The following BANK1 variants were observed in gnomAD, a reference collection of about 807,000 sequenced individuals.
The protein encoded by BANK1 is B cell scaffold protein with ankyrin repeats 1, also known as B-cell scaffold protein with ankyrin repeats.
Under a neutral mutation model 94.5 loss-of-function variants are expected in BANK1, and 95 were observed. The ratio of observed to expected loss-of-function variants is 1.00; its 90% CI spans 0.85 to 1.19. BANK1 has a LOEUF of 1.19. Among genes scored for constraint, BANK1 ranks in the 50% most tolerant of loss-of-function variants. BANK1 has a pLI of 0.00. For synonymous variants in BANK1, 334 were observed against 308.4 expected, an observed-to-expected ratio of 1.08 and a Z score of -0.87; for missense variants, 987 against 932.2, an observed-to-expected ratio of 1.06 and a Z score of -0.77.
chr4:101,844,451 C>T (rs1476951520), intron 2 of BANK1, among the ~76,000 whole-genome samples: 1 of 152,156 alleles, frequency 6.6e-6, no homozygotes, highest in Non-Finnish European at 1.5e-5. Context: ...TTTCCTATCT[C>T]AGAACACAAG....
rs557759163 is a variant in BANK1 at position 101,907,748 on chromosome 4, T to C, written c.1010-10245T>C. On this transcript the variant is annotated intron_variant, in intron 6 of 16. Transcript: ENST00000322953. ...CAATGTGCAAAAATCACAAGCATTCTTATACACCAATAACAGACAAACAGA... is the reference window on the plus strand; with the variant it reads ...CAATGTGCAAAAATCACAAGCATTCCTATACACCAATAACAGACAAACAGA... Among the ~76,000 whole-genome samples the C allele has an allele frequency of 7.9e-5, 12 of 152,262 alleles. No individual in the cohort carries two copies. The South Asian group carries it at 2.5e-3, about 32-fold the overall frequency.
At position 101,870,624 on chromosome 4, in the gene BANK1, T is replaced by C. The variant is rs1197710894; in HGVS notation, c.883T>C (p.Ser295Pro). ...GGAATGCCTATTCAGAATGGCAGAT[T>C]CAGGAGAGAGTTTGTGCCAGGTAAG... ...AKECLFRMAD[S>P]GESLCQNSIE... is the part of the protein sequence containing the mutation. The change falls in exon 5 of 17, where the codon TCA (serine) becomes CCA (proline). Residue 295 changes from serine (S) to proline (P), a missense_variant. Coordinates refer to ENST00000322953, the MANE Select transcript of BANK1 (RefSeq NM_017935.5). 6.2e-7 allele frequency: 1 copy of C among 1,611,176 alleles called. No individual in the cohort carries two copies. Among genetic ancestry groups the C allele is most frequent in the East Asian group, 2.2e-5 (1 of 44,816 alleles).
chr4:102,004,180 A>G (rs1726171637), intron 7 of BANK1, among the ~76,000 whole-genome samples: 1 of 152,166 alleles, frequency 6.6e-6, no homozygotes, highest in Non-Finnish European at 1.5e-5. Context: ...ATACTGCTAT[A>G]TCCTTATTAC....
chr4:101,940,881 A>G (rs1369359837), intron 7 of BANK1, among the ~76,000 whole-genome samples: 3 of 151,678 alleles, frequency 2.0e-5, no homozygotes, highest in African/African-American at 7.3e-5. Flanking sequence ...CCCCTCCTCT[A>G]ACCTTTTCAT....
chr4:101,827,850 T>A (rs930688717), intron 1 of BANK1, among the ~76,000 whole-genome samples: 5 of 151,912 alleles, frequency 3.3e-5, no homozygotes, highest in Admixed American at 3.3e-4. Context: ...TTTCTTTTTT[T>A]ATTCCTTTGC....
intron 7 of BANK1, among the ~76,000 whole-genome samples, chr4:101,989,938 T>C (rs1328146472): frequency 6.6e-6 from 1 of 152,170 alleles, no homozygotes; most frequent in South Asian, 2.1e-4. Flanking sequence ...TACTTTTAAA[T>C]GGTTTCACAT....
intron 6 of BANK1, among the ~76,000 whole-genome samples, chr4:101,913,350 C>T (rs1199577426): frequency 6.6e-6 from 1 of 152,022 alleles, no homozygotes; most frequent in Non-Finnish European, 1.5e-5. Context: ...CTTTTTATTG[C>T]CTTAACATTG....
At chr4:102,043,803 A>T (rs1727781662) in intron 10 of BANK1, 36 bp from the exon 11 acceptor site, 3 of 1,415,786 alleles carry the variant, frequency 2.1e-6, no homozygotes, top group South Asian at 1.3e-5. Flanking sequence ...TTGAACGTTT[A>T]TGTTCAGTAA....
At chr4:101,862,743 T>A in intron 4 of BANK1, 79 bp downstream of exon 4, 1 of 1,360,010 alleles carries the variant, frequency 7.4e-7, no homozygotes, top group South Asian at 1.8e-5. Flanking sequence ...ATGGTTTCAC[T>A]TCCTTACAAA....
intron 7 of BANK1, among the ~76,000 whole-genome samples, chr4:102,005,003 A>G (rs912649434): frequency 1.3e-5 from 2 of 152,096 alleles, no homozygotes; most frequent in African/African-American, 4.8e-5. Context: ...ACACTACCTA[A>G]TAGCTAGAGT....
intron 2 of BANK1, among the ~76,000 whole-genome samples, chr4:101,833,048 C>T (rs1726684637): frequency 6.6e-6 from 1 of 151,946 alleles, no homozygotes; most frequent in African/African-American, 2.4e-5. Context: ...GGCACAATCT[C>T]AGCTCACTGC....
At chr4:102,003,796 A>G (rs1481327373) in intron 7 of BANK1, among the ~76,000 whole-genome samples, 1 of 152,050 alleles carries the variant, frequency 6.6e-6, no homozygotes, top group Admixed American at 6.6e-5. Context: ...ATAAATATGT[A>G]AATATATATT....
intron 5 of BANK1, among the ~76,000 whole-genome samples, chr4:101,880,415 GATGAA>G (rs1728635582): frequency 6.6e-6 from 1 of 151,786 alleles, no homozygotes; most frequent in African/African-American, 2.4e-5. Flanking sequence ...ATAAAACACT[GATGAA>G]ATAAAATGAA....
At chr4:101,959,123 G>A (rs1724475410) in intron 7 of BANK1, among the ~76,000 whole-genome samples, 1 of 146,130 alleles carries the variant, frequency 6.8e-6, no homozygotes, top group Non-Finnish European at 1.5e-5. Context: ...CTGCTTCCTA[G>A]AGAGTAGTTT....
chr4:101,942,229 A>T (rs1190585942), intron 7 of BANK1, among the ~76,000 whole-genome samples: 1 of 151,838 alleles, frequency 6.6e-6, no homozygotes, highest in Non-Finnish European at 1.5e-5. Flanking sequence ...GCATCAAACA[A>T]AGTCATTCCA....
intron 7 of BANK1, among the ~76,000 whole-genome samples, chr4:101,920,265 A>G (rs997543064): frequency 2.6e-5 from 4 of 151,978 alleles, no homozygotes; most frequent in Admixed American, 6.6e-5. Flanking sequence ...AGATATATCT[A>G]ATATAAATGA....
At chr4:102,053,883 A>C (rs1299989767) in intron 11 of BANK1, among the ~76,000 whole-genome samples, 5 of 151,834 alleles carry the variant, frequency 3.3e-5, no homozygotes, top group Non-Finnish European at 7.4e-5. Context: ...TACTTTATTA[A>C]TAAAAAAAGA....
chr4:101,900,278 T>C (rs536920081), intron 6 of BANK1, among the ~76,000 whole-genome samples: 4 of 152,196 alleles, frequency 2.6e-5, no homozygotes, highest in African/African-American at 9.6e-5. Context: ...AATAAAACAG[T>C]AGCAACAAAA....
chr4:101,946,172 A>G (rs1723921046), intron 7 of BANK1, among the ~76,000 whole-genome samples: 1 of 152,032 alleles, frequency 6.6e-6, no homozygotes. Context: ...CTTTCCACAC[A>G]ATAAGAAGAC....
Sources: allele counts gnomAD v4.1 joint callset (sites outside exome capture counted in the v4.1 genomes callset), GRCh38; gene constraint gnomAD v4.1.1; transcripts MANE v1.5; gene names NCBI Gene and HGNC (gene_info 2026-07-23, HGNC 2026-07-21).